Variants in GRIP1 observed in about 807,000 individuals in gnomAD.
GRIP1 encodes glutamate receptor-interacting protein 1.
A neutral mutation model predicts 129.9 loss-of-function variants in GRIP1; 45 were observed. That is an observed-to-expected ratio of 0.35 (90% CI 0.27 to 0.44). GRIP1 has a LOEUF of 0.44. Ranked by LOEUF, GRIP1 falls within the 20% of genes least tolerant of loss-of-function variation. The pLI, the probability that GRIP1 is intolerant of heterozygous loss-of-function variation, is 1.00. For synonymous variants in GRIP1, 530 were observed against 520.8 expected (o/e 1.02, Z -0.24); for missense variants, 1,196 against 1,396.8 (o/e 0.86, Z 2.29).
At chr12:66,437,544 T>C (rs1312197080) in intron 13 of GRIP1, among the ~76,000 whole-genome samples, 1 of 152,206 alleles carries the variant, frequency 6.6e-6, no homozygotes, top group Non-Finnish European at 1.5e-5. Flanking sequence ...TTCCTGTCCC[T>C]TATCAAGTAA....
At chr12:66,544,346 A>G (rs1390283351) in intron 2 of GRIP1, among the ~76,000 whole-genome samples, 5 of 152,184 alleles carry the variant, frequency 3.3e-5, no homozygotes, top group African/African-American at 1.2e-4. Flanking sequence ...CAGACAATAA[A>G]ACTCAAAGAT....
intron 1 of GRIP1, among the ~76,000 whole-genome samples, chr12:66,597,905 C>A (rs2064117601): frequency 6.6e-6 from 1 of 151,994 alleles, no homozygotes; most frequent in Non-Finnish European, 1.5e-5. Context: ...ATGTGAATAA[C>A]ACCCTTAAAC....
At chr12:66,806,660 T>TTTTTAAA (rs1232893029), upstream of GRIP1, among the ~76,000 whole-genome samples, 8 of 152,190 alleles carry the variant, frequency 5.3e-5, no homozygotes, top group African/African-American at 1.7e-4. Flanking sequence ...GATTTTTTAA[T>TTTTTAAA]TTTGGTATTT....
chr12:66,460,512 C>A (rs1397664348), intron 9 of GRIP1, among the ~76,000 whole-genome samples: 1 of 152,182 alleles, frequency 6.6e-6, no homozygotes, highest in Non-Finnish European at 1.5e-5. Flanking sequence ...TTCCTTCAAT[C>A]CAATTATGTC....
chr12:66,669,832 G>A (rs1464892966), intron 1 of GRIP1, among the ~76,000 whole-genome samples: 1 of 152,186 alleles, frequency 6.6e-6, no homozygotes, highest in Non-Finnish European at 1.5e-5. Flanking sequence ...CATAGATAGA[G>A]TAGACTTCAA....
At chr12:66,462,141 T>A (rs2059154231) in intron 9 of GRIP1, among the ~76,000 whole-genome samples, 1 of 152,214 alleles carries the variant, frequency 6.6e-6, no homozygotes, top group South Asian at 2.1e-4. Flanking sequence ...CACTTTCTAT[T>A]GAATAAATGG....
At chr12:67,010,115 T>C (rs1243244788) in intron 1 of GRIP1, among the ~76,000 whole-genome samples, 1 of 152,148 alleles carries the variant, frequency 6.6e-6, no homozygotes, top group African/African-American at 2.4e-5. Flanking sequence ...TAATTTTCTA[T>C]AGATTTTAAT....
At chr12:66,615,509 A>C (rs766017201) in intron 1 of GRIP1, among the ~76,000 whole-genome samples, 1 of 152,186 alleles carries the variant, frequency 6.6e-6, no homozygotes, top group Non-Finnish European at 1.5e-5. Flanking sequence ...ATACAGTACA[A>C]AGTAACTCCA....
chr12:66,706,734 G>T (rs2035541259), intron 1 of GRIP1, among the ~76,000 whole-genome samples: 1 of 152,082 alleles, frequency 6.6e-6, no homozygotes, highest in African/African-American at 2.4e-5. Context: ...GATGAAGCCG[G>T]AAGCCATCAT....
chr12:66,350,246 G>T (rs544116837), intron 24 of GRIP1, among the ~76,000 whole-genome samples: 2 of 151,804 alleles, frequency 1.3e-5, no homozygotes, highest in African/African-American at 4.8e-5. Flanking sequence ...ACCTGTTATC[G>T]CAGTACTTTG....
chr12:66,392,305 T>C lies in GRIP1; in HGVS notation c.2464+3A>G, dbSNP rs1280586325. 3.8e-6 allele frequency: 6 copies of C among 1,563,466 alleles called. No individual in the cohort carries two copies. In the African/African-American group the frequency reaches 8.1e-5, roughly 21 times the overall value. On this transcript the variant is annotated splice_donor_region_variant and intron_variant, in intron 19 of 24. Transcript: ENST00000359742. ...TCCTCTGGGGGACAAAGTAAAGACA[T>C]ACCTTGAGTTCCATAGCTGGTGTCT...
In GRIP1 at chr12:66,449,741, A is replaced by G. The variant is rs190701761; in HGVS notation, c.1355-4233T>C. ...ATTTCCTGTCAATAAGGATCTGGAGAGTATGTTGCATTCCAGTTATTACTC... is the reference window on the plus strand; with the variant it reads ...ATTTCCTGTCAATAAGGATCTGGAGGGTATGTTGCATTCCAGTTATTACTC... On this transcript the variant is annotated intron_variant, in intron 11 of 24. Transcript: ENST00000359742. Among the ~76,000 whole-genome samples, 386 of 152,254 alleles carry G rather than the reference A, an allele frequency of 2.5e-3. 1 individual carries two copies. Among genetic ancestry groups the G allele is most frequent in the Middle Eastern group, 0.014 (4 of 294 alleles).
At chr12:66,841,220 C>T (rs866281221) in intron 1 of GRIP1, among the ~76,000 whole-genome samples, 6 of 151,936 alleles carry the variant, frequency 3.9e-5, no homozygotes, top group African/African-American at 1.2e-4. Context: ...TAATGTAGAC[C>T]CTTCCCATGT....
chr12:66,498,729 C>G (rs11176235), intron 7 of GRIP1, among the ~76,000 whole-genome samples: 1 of 151,470 alleles, frequency 6.6e-6, no homozygotes, highest in Non-Finnish European at 1.5e-5. Flanking sequence ...GATTTCTTAT[C>G]TTTAAAACCA....
intron 5 of GRIP1, among the ~76,000 whole-genome samples, chr12:66,529,168 G>A (rs867327647): frequency 9.2e-5 from 14 of 152,104 alleles, no homozygotes; most frequent in African/African-American, 3.1e-4. Flanking sequence ...GCAGTGAAAA[G>A]GGAACACTTC....
At chr12:66,576,866 T>A (rs779548503) in intron 2 of GRIP1, among the ~76,000 whole-genome samples, 4 of 152,220 alleles carry the variant, frequency 2.6e-5, no homozygotes, top group Non-Finnish European at 5.9e-5. Flanking sequence ...GAGTGATTCA[T>A]AAGAATAAGA....
chr12:66,683,490 T>C (rs906561030), upstream of GRIP1, among the ~76,000 whole-genome samples: 55 of 152,200 alleles, frequency 3.6e-4, no homozygotes, highest in African/African-American at 1.3e-3. Context: ...TATCAGGCAT[T>C]TTTTAAAGCA....
chr12:66,470,839 ATACCCTAC>A (rs1305373700), intron 7 of GRIP1, among the ~76,000 whole-genome samples: 1 of 152,238 alleles, frequency 6.6e-6, no homozygotes, highest in African/African-American at 2.4e-5. Flanking sequence ...AATAGGGACC[ATACCCTAC>A]TAAGCCTGAA....
intron 1 of GRIP1, among the ~76,000 whole-genome samples, chr12:66,850,586 A>G (rs1009540761): frequency 1.3e-5 from 2 of 152,020 alleles, no homozygotes; most frequent in African/African-American, 4.8e-5. Context: ...GAACATTTTC[A>G]CTGAAACTAG....
Sources: allele counts gnomAD v4.1 joint callset (sites outside exome capture counted in the v4.1 genomes callset), GRCh38; gene constraint gnomAD v4.1.1; transcripts MANE v1.5; gene names NCBI Gene and HGNC (gene_info 2026-07-23, HGNC 2026-07-21).